The following GCSAML variants were observed in gnomAD, a reference collection of about 807,000 sequenced individuals.
GCSAML encodes germinal center associated signaling and motility like.
In GCSAML, 9 loss-of-function variants were observed where a neutral mutation model predicts 13.0. That is an observed-to-expected ratio of 0.69 (90% CI 0.42 to 1.21). The LOEUF is 1.21. Among genes scored for constraint, GCSAML ranks in the 50% most tolerant of loss-of-function variants. The pLI is 0.00. For missense variants in GCSAML, 143 were observed against 153.4 expected (o/e 0.93, Z 0.36); for synonymous variants, 37 against 52.9 (o/e 0.70, Z 1.31).
chr1:247,547,757 C>A (rs1572344201), upstream of GCSAML, among the ~76,000 whole-genome samples: 1 of 152,128 alleles, frequency 6.6e-6, no homozygotes, highest in Non-Finnish European at 1.5e-5. Flanking sequence ...GCTGGAGTGG[C>A]ATCACCTGGG....
At chr1:247,546,507 C>T (rs562637149), upstream of GCSAML, among the ~76,000 whole-genome samples, 156 of 151,998 alleles carry the variant, frequency 1.0e-3, no homozygotes, top group South Asian at 9.8e-3. Context: ...TACAGGTGCC[C>T]GCCACCACGC....
In GCSAML at chr1:247,531,658, G is replaced by A. The variant is rs747697715; in HGVS notation, c.-148+4604G>A. The A allele has an allele frequency of 6.8e-6, 11 of 1,614,046 alleles. No homozygotes were observed. The highest frequency in any genetic ancestry group is 2.2e-5 in the East Asian group (1 of 44,882). ...CAGGGTGTAAATAAGTGGGTTCAGC[G>A]CAGGAGTGACTACGGTGTAGAACAG... On this transcript the variant is annotated intron_variant, in intron 2 of 5. Coordinates refer to the GCSAML transcript ENST00000366489.
intron 2 of GCSAML, among the ~76,000 whole-genome samples, chr1:247,562,725 G>T (rs1558257885): frequency 1.3e-5 from 2 of 152,132 alleles, no homozygotes. Flanking sequence ...TGATATGCTG[G>T]CAACCCCATC....
intron 2 of GCSAML, chr1:247,531,395 G>T: frequency 1.4e-6 from 1 of 706,398 alleles, no homozygotes; most frequent in Non-Finnish European, 2.3e-6. Flanking sequence ...TATTTTCTTG[G>T]TCTGGAAATG....
intron 2 of GCSAML, chr1:247,528,088 A>G (rs1666753627): frequency 6.6e-6 from 1 of 152,140 alleles, no homozygotes; most frequent in African/African-American, 2.4e-5. Context: ...AACTGAGTAA[A>G]AAATGTCAGT....
At chr1:247,518,556 T>C (rs1365036271) in intron 1 of GCSAML, 1 of 152,284 alleles carries the variant, frequency 6.6e-6, no homozygotes, top group African/African-American at 2.4e-5. Flanking sequence ...AAAGGCGCCC[T>C]GGGGAAGGCT....
chr1:247,545,686 G>T (rs1667544487), upstream of GCSAML, among the ~76,000 whole-genome samples: 1 of 152,084 alleles, frequency 6.6e-6, no homozygotes, highest in South Asian at 2.1e-4. Context: ...TCTTTGGAGA[G>T]GTGTCTATTC....
chr1:247,515,553 C>A (rs1160347529), intron 1 of GCSAML, among the ~76,000 whole-genome samples: 2 of 152,112 alleles, frequency 1.3e-5, no homozygotes, highest in African/African-American at 2.4e-5. Flanking sequence ...TGAGACAGGG[C>A]AATTTATGAA....
At chr1:247,568,691 G>A (rs541051278) in intron 4 of GCSAML, among the ~76,000 whole-genome samples, 3 of 152,180 alleles carry the variant, frequency 2.0e-5, no homozygotes, top group Admixed American at 6.5e-5. Flanking sequence ...ATTTAAAGAA[G>A]CTTTTTTTCT....
rs1329238174 is a variant in GCSAML, at chr1:247,575,726, A to G, written c.*1344A>G. 1 of 152,246 alleles carries G rather than the reference A, an allele frequency of 6.6e-6. No homozygotes were observed. The highest frequency in any genetic ancestry group is 1.5e-5 in the Non-Finnish European group (1 of 68,044). The allele number at this position is 152,246 out of a possible 1,614,324, so 9.4% of individuals were successfully genotyped here. Reference sequence around the variant, plus strand: ...GTTCAAATATTAGTAAAAATTGAAAATAAACTTGTGCTTATATTTTGTTTG... The same window carrying G: ...GTTCAAATATTAGTAAAAATTGAAAGTAAACTTGTGCTTATATTTTGTTTG... On this transcript the variant is annotated 3_prime_UTR_variant, in exon 5 of 5. Transcript: ENST00000366488.
chr1:247,545,508 TATGCAAAGGGGTACTTTGC>T (rs1342330747), upstream of GCSAML, among the ~76,000 whole-genome samples: 13 of 152,216 alleles, frequency 8.5e-5, no homozygotes, highest in Admixed American at 2.6e-4. Flanking sequence ...TTATGATGAT[TATGCAAAGGGGTACTTTGC>T]ACCCATTAGT....
upstream of GCSAML, among the ~76,000 whole-genome samples, chr1:247,544,719 G>A (rs1170813305): frequency 1.3e-5 from 2 of 152,156 alleles, no homozygotes; most frequent in South Asian, 2.1e-4. Context: ...ATCTGGGCAT[G>A]GTGGCATGCC....
At chr1:247,514,439 T>C (rs190061198) in intron 1 of GCSAML, among the ~76,000 whole-genome samples, 11 of 152,362 alleles carry the variant, frequency 7.2e-5, no homozygotes, top group Admixed American at 7.2e-4. Context: ...TTAACTCTGC[T>C]ATTTCTTTTG....
At chr1:247,565,401 T>G (rs896739198) in intron 3 of GCSAML, among the ~76,000 whole-genome samples, 1 of 152,046 alleles carries the variant, frequency 6.6e-6, no homozygotes, top group African/African-American at 2.4e-5. Flanking sequence ...TTCACACGTA[T>G]GTAAATTGCT....
At chr1:247,542,055 A>G (rs1667433997) in intron 2 of GCSAML, among the ~76,000 whole-genome samples, 1 of 152,032 alleles carries the variant, frequency 6.6e-6, no homozygotes, top group South Asian at 2.1e-4. Flanking sequence ...ATGAATAGAC[A>G]AACTAATAAC....
intron 1 of GCSAML, among the ~76,000 whole-genome samples, chr1:247,555,582 C>T (rs1667919109): frequency 6.6e-6 from 1 of 152,280 alleles, no homozygotes; most frequent in Middle Eastern, 3.4e-3. Flanking sequence ...ACTTTCTCAG[C>T]GTTGGTTCGA....
At chr1:247,521,367 G>GCCTCCC (rs373824888) in intron 1 of GCSAML, among the ~76,000 whole-genome samples, 1 of 145,466 alleles carries the variant, frequency 6.9e-6, no homozygotes, top group Non-Finnish European at 1.5e-5. Context: ...CCTCTCCACG[G>GCCTCCC]TCTCCCTCTC....
At chr1:247,521,596 G>A (rs995442178) in intron 1 of GCSAML, among the ~76,000 whole-genome samples, 1 of 152,196 alleles carries the variant, frequency 6.6e-6, no homozygotes, top group Non-Finnish European at 1.5e-5. Flanking sequence ...TGGCTGGGCT[G>A]GACTCCAGCT....
chr1:247,571,793 T>G (rs1433295847), intron 4 of GCSAML, among the ~76,000 whole-genome samples: 1 of 152,228 alleles, frequency 6.6e-6, no homozygotes, highest in Non-Finnish European at 1.5e-5. Flanking sequence ...CTGAAGTGTG[T>G]TTTCCAACTT....
Sources: allele counts gnomAD v4.1 joint callset (sites outside exome capture counted in the v4.1 genomes callset), GRCh38; gene constraint gnomAD v4.1.1; transcripts MANE v1.5; gene names NCBI Gene and HGNC (gene_info 2026-07-23, HGNC 2026-07-21).